NUDCD3: variants seen among roughly 807,000 people sequenced by gnomAD.
NUDCD3 encodes the protein nudC domain-containing protein 3.
NUDCD3 carries 13 observed loss-of-function variants against 39.7 expected under a neutral mutation model. That is an observed-to-expected ratio of 0.33 (90% CI 0.21 to 0.52). NUDCD3 has a LOEUF of 0.52. Among genes scored for constraint, NUDCD3 ranks in the 20% least tolerant of loss-of-function variants. The pLI is 0.96. For synonymous variants in NUDCD3, 175 were observed against 172.4 expected (o/e 1.02, Z -0.12); for missense variants, 453 against 458.1 (o/e 0.99, Z 0.10).
chr7:44,407,269 T>TAA (rs370365897), intron 3 of NUDCD3, among the ~76,000 whole-genome samples: 191 of 137,084 alleles, frequency 1.4e-3, no homozygotes, highest in African/African-American at 2.5e-3. Context: ...ATTTTTGTAT[T>TAA]AAAAAAAAAA....
rs2116926196 is a variant in NUDCD3, at chr7:44,444,222, G to A, written c.510-16519C>T. Among the ~76,000 whole-genome samples the A allele has an allele frequency of 1.3e-5, 2 of 152,294 alleles. 1 individual carries two copies. The highest frequency in any genetic ancestry group is 1.3e-4 in the Admixed American group (2 of 15,302). On this transcript the variant is annotated intron_variant, in intron 2 of 5. Transcript: ENST00000355451. ...CTCATCTCACAGGTTATCAACAGATGATAGGATAGGAGGCATCCTATCACC... is the reference window on the plus strand; with the variant it reads ...CTCATCTCACAGGTTATCAACAGATAATAGGATAGGAGGCATCCTATCACC...
chr7:44,413,981 G>C (rs2116885424), intron 3 of NUDCD3, among the ~76,000 whole-genome samples: 1 of 151,968 alleles, frequency 6.6e-6, no homozygotes, highest in South Asian at 2.1e-4. Context: ...CTTAAGCCTA[G>C]GGAGGACAAG....
At chr7:44,413,688 T>C (rs530823078) in intron 3 of NUDCD3, among the ~76,000 whole-genome samples, 102 of 152,358 alleles carry the variant, frequency 6.7e-4, no homozygotes, top group African/African-American at 2.3e-3. Flanking sequence ...CCAAGGGCTC[T>C]TGTACATTGT....
intron 4 of NUDCD3, among the ~76,000 whole-genome samples, chr7:44,392,696 AG>A (rs1348599816): frequency 2.6e-5 from 4 of 152,172 alleles, no homozygotes; most frequent in Non-Finnish European, 4.4e-5. Flanking sequence ...AACATATCCC[AG>A]GGAAGAGCTA....
intron 3 of NUDCD3, among the ~76,000 whole-genome samples, chr7:44,423,735 G>A (rs527429264): frequency 1.9e-4 from 29 of 152,138 alleles, no homozygotes; most frequent in East Asian, 9.7e-4. Context: ...ATTTATAGAC[G>A]CAATGCTATT....
At chr7:44,426,211 G>C (rs1292729197) in intron 3 of NUDCD3, 1 of 975,420 alleles carries the variant, frequency 1.0e-6, no homozygotes. Context: ...AATAAATTTT[G>C]TGTTTGTTGC....
intron 3 of NUDCD3, among the ~76,000 whole-genome samples, chr7:44,421,331 TAA>T (rs531473757): frequency 2.7e-4 from 34 of 124,604 alleles, no homozygotes; most frequent in Admixed American, 5.0e-4. Context: ...AGACTCCGTC[TAA>T]AAAAAAAAAA....
intron 2 of NUDCD3, among the ~76,000 whole-genome samples, chr7:44,432,370 A>T (rs556803463): frequency 3.9e-5 from 6 of 152,366 alleles, no homozygotes; most frequent in African/African-American, 1.4e-4. Flanking sequence ...CAAAGACCTA[A>T]CCTGAAGAGT....
At chr7:44,461,161 C>G (rs1053276880) in intron 2 of NUDCD3, among the ~76,000 whole-genome samples, 13 of 152,204 alleles carry the variant, frequency 8.5e-5, no homozygotes, top group Admixed American at 3.3e-4. Context: ...CTTCTCCTGG[C>G]TTCTTCGGCC....
chr7:44,395,661 G>A (rs977788459), intron 4 of NUDCD3, among the ~76,000 whole-genome samples: 1 of 152,112 alleles, frequency 6.6e-6, no homozygotes, highest in Non-Finnish European at 1.5e-5. Context: ...CACACAAATG[G>A]AATAATACAG....
chr7:44,473,101 G>C (rs1317290350), intron 2 of NUDCD3, among the ~76,000 whole-genome samples: 68 of 152,136 alleles, frequency 4.5e-4, no homozygotes, highest in Non-Finnish European at 2.1e-4. Flanking sequence ...TAAATAATAA[G>C]ATCTACACAG....
At chr7:44,428,759 G>A (rs1371026283) in intron 2 of NUDCD3, among the ~76,000 whole-genome samples, 1 of 152,158 alleles carries the variant, frequency 6.6e-6, no homozygotes, top group Non-Finnish European at 1.5e-5. Flanking sequence ...TAAACATTAT[G>A]TAAGTTTAGA....
chr7:44,468,349 C>CAAAAAAAAAAAAAAAAAAAAAAA, intron 2 of NUDCD3: 1 of 375,658 alleles, frequency 2.7e-6, no homozygotes, highest in Non-Finnish European at 4.2e-6. Flanking sequence ...GTAAAAACTG[C>CAAAAAAAAAAAAAAAAAAAAAAA]AAAAAAAAAA....
At chr7:44,400,161 A>C (rs1240824116) in intron 4 of NUDCD3, among the ~76,000 whole-genome samples, 2 of 152,202 alleles carry the variant, frequency 1.3e-5, no homozygotes, top group African/African-American at 4.8e-5. Flanking sequence ...TGAACGAGCT[A>C]TCGGAAAAAA....
At chr7:44,474,486 T>C (rs1203866316) in intron 2 of NUDCD3, among the ~76,000 whole-genome samples, 1 of 152,186 alleles carries the variant, frequency 6.6e-6, no homozygotes, top group African/African-American at 2.4e-5. Flanking sequence ...AGCAGATCAC[T>C]GGTTCTCAAT....
chr7:44,459,620 A>T (rs982004166), intron 2 of NUDCD3, among the ~76,000 whole-genome samples: 3 of 152,258 alleles, frequency 2.0e-5, no homozygotes, highest in African/African-American at 7.2e-5. Flanking sequence ...CAAATTTTCC[A>T]AATTACTTTT....
intron 5 of NUDCD3, among the ~76,000 whole-genome samples, chr7:44,388,310 T>C (rs150732248): frequency 1.3e-5 from 2 of 152,292 alleles, no homozygotes; most frequent in East Asian, 3.9e-4. Flanking sequence ...TCTCTCTCCT[T>C]AGCGAAGCCT....
At chr7:44,421,019 T>C (rs775315387) in intron 3 of NUDCD3, among the ~76,000 whole-genome samples, 2 of 152,186 alleles carry the variant, frequency 1.3e-5, no homozygotes, top group Non-Finnish European at 2.9e-5. Flanking sequence ...TAAATATAAA[T>C]GGGCTAAATG....
chr7:44,430,435 A>G (rs1799334469), intron 2 of NUDCD3, among the ~76,000 whole-genome samples: 1 of 152,226 alleles, frequency 6.6e-6, no homozygotes. Context: ...CAAAAGAACA[A>G]TAGGGTAGCA....
Sources: allele counts gnomAD v4.1 joint callset (sites outside exome capture counted in the v4.1 genomes callset), GRCh38; gene constraint gnomAD v4.1.1; transcripts MANE v1.5; gene names NCBI Gene and HGNC (gene_info 2026-07-23, HGNC 2026-07-21).